Variants in INPP4B observed in about 807,000 individuals in gnomAD.
INPP4B encodes the protein inositol polyphosphate-4-phosphatase type II B.
Under a neutral mutation model 122.5 loss-of-function variants are expected in INPP4B, and 55 were observed. The ratio of observed to expected loss-of-function variants is 0.45; its 90% CI spans 0.36 to 0.56. The LOEUF (loss-of-function observed/expected upper bound fraction) is 0.56, where lower values mean the gene tolerates loss of function less well. INPP4B is among the 20% of genes least tolerant of loss of function. INPP4B has a pLI of 0.00. For missense variants in INPP4B, 1,000 were observed against 1,097.7 expected, an observed-to-expected ratio of 0.91 and a Z score of 1.26; for synonymous variants, 403 against 388.7, an observed-to-expected ratio of 1.04 and a Z score of -0.43.
At chr4:142,591,775 CA>C (rs1296341830) in intron 2 of INPP4B, among the ~76,000 whole-genome samples, 5 of 152,158 alleles carry the variant, frequency 3.3e-5, no homozygotes, top group Non-Finnish European at 7.3e-5. Context: ...AAACATGTAA[CA>C]CTAGCCTGAC....
At chr4:142,629,447 G>A (rs973985012) in intron 2 of INPP4B, among the ~76,000 whole-genome samples, 1 of 152,054 alleles carries the variant, frequency 6.6e-6, no homozygotes, top group Non-Finnish European at 1.5e-5. Context: ...GATTTAGGAA[G>A]GAGAGATTGT....
At chr4:142,159,685 A>G (rs551415959) in intron 17 of INPP4B, among the ~76,000 whole-genome samples, 1 of 152,138 alleles carries the variant, frequency 6.6e-6, no homozygotes, top group Middle Eastern at 3.4e-3. Flanking sequence ...ATTTATATGT[A>G]TCGATTCAGT....
intron 2 of INPP4B, among the ~76,000 whole-genome samples, chr4:142,716,182 G>A (rs1263833385): frequency 6.6e-6 from 1 of 152,170 alleles, no homozygotes; most frequent in Admixed American, 6.5e-5. Flanking sequence ...ATGCCAACGA[G>A]GTTCTGGAAA....
intron 2 of INPP4B, among the ~76,000 whole-genome samples, chr4:142,626,644 C>T (rs1305190128): frequency 6.6e-6 from 1 of 152,006 alleles, no homozygotes; most frequent in African/African-American, 2.4e-5. Flanking sequence ...TTACACCACA[C>T]CCAGACTTCT....
intron 1 of INPP4B, among the ~76,000 whole-genome samples, chr4:142,768,854 CT>C (rs1203219404): frequency 6.6e-6 from 1 of 152,126 alleles, no homozygotes; most frequent in Non-Finnish European, 1.5e-5. Context: ...CTACATTTGC[CT>C]TAGTTTGGGA....
chr4:142,291,299 A>G (rs1014840375), intron 9 of INPP4B, among the ~76,000 whole-genome samples: 1 of 152,186 alleles, frequency 6.6e-6, no homozygotes, highest in African/African-American at 2.4e-5. Context: ...CAAATTTTTT[A>G]TTTTAGAGAT....
At position 142,509,898 on chromosome 4, in the gene INPP4B, A is replaced by T. The variant is rs574030828; in HGVS notation, c.-190-47172T>A. On this transcript the variant is annotated intron_variant, in intron 2 of 25. Transcript: ENST00000262992. ...ACTTACAGTAAGCACTCAATATATG[A>T]TCATACAAAGCAACATTAAGAGGCG... is the stretch of plus-strand genomic sequence containing the variant. Among the ~76,000 whole-genome samples, 70 of 152,312 alleles carry T rather than the reference A, an allele frequency of 4.6e-4. 1 individual carries two copies. In the South Asian group the frequency reaches 0.014, roughly 31 times the overall value.
intron 14 of INPP4B, 31 bp from the exon 15 acceptor site, chr4:142,193,226 C>G (rs371446734): frequency 1.6e-6 from 2 of 1,288,648 alleles, no homozygotes; most frequent in South Asian, 2.4e-5. Context: ...GAGATGAACA[C>G]TTTGCAAACA....
chr4:142,538,247 T>C (rs1365218564), intron 2 of INPP4B, among the ~76,000 whole-genome samples: 1 of 152,108 alleles, frequency 6.6e-6, no homozygotes, highest in Non-Finnish European at 1.5e-5. Context: ...ATTGCTAAAT[T>C]GGTTAAATCC....
intron 24 of INPP4B, among the ~76,000 whole-genome samples, chr4:142,082,908 T>C (rs1047001449): frequency 3.3e-5 from 5 of 152,216 alleles, no homozygotes; most frequent in Non-Finnish European, 5.9e-5. Flanking sequence ...AGGAGGATCA[T>C]TTGAGCTCAA....
chr4:142,430,459 CAT>C (rs1420642892), intron 4 of INPP4B, among the ~76,000 whole-genome samples: 2 of 152,060 alleles, frequency 1.3e-5, no homozygotes, highest in African/African-American at 4.8e-5. Flanking sequence ...GAAGGTTAGG[CAT>C]ATATTTGCCA....
chr4:142,167,969 ATT>A (rs35469629), intron 16 of INPP4B, among the ~76,000 whole-genome samples: 2 of 140,836 alleles, frequency 1.4e-5, no homozygotes, highest in African/African-American at 5.1e-5. Flanking sequence ...AGTTAGCAGG[ATT>A]TTTTTTTTTT....
intron 18 of INPP4B, among the ~76,000 whole-genome samples, chr4:142,132,372 C>T (rs901355946): frequency 1.3e-5 from 2 of 151,972 alleles, no homozygotes; most frequent in African/African-American, 4.8e-5. Context: ...GTGCACAGGT[C>T]ACTACAACTC....
At chr4:142,386,138 T>A (rs962167414) in intron 7 of INPP4B, among the ~76,000 whole-genome samples, 6 of 152,116 alleles carry the variant, frequency 3.9e-5, no homozygotes, top group Non-Finnish European at 7.4e-5. Flanking sequence ...TGCAGATGTG[T>A]CTTTCTGTGC....
At chr4:142,665,842 G>A (rs1755952407) in intron 2 of INPP4B, among the ~76,000 whole-genome samples, 1 of 152,036 alleles carries the variant, frequency 6.6e-6, no homozygotes, top group Non-Finnish European at 1.5e-5. Context: ...GTCCATGAGG[G>A]CTATGTTCTA....
Position 142,112,660 on chromosome 4 carries a change from T to C in INPP4B, c.2158A>G (p.Lys720Glu). 1 of 1,612,872 alleles carries C rather than the reference T, an allele frequency of 6.2e-7. No homozygotes were observed. Among genetic ancestry groups the C allele is most frequent in the Non-Finnish European group, 8.5e-7 (1 of 1,179,376 alleles). The change falls in exon 22 of 26, where the codon AAG becomes GAG. Residue 720 changes from lysine (K) to glutamate (E), a missense_variant. Coordinates refer to ENST00000262992, the MANE Select transcript of INPP4B (RefSeq NM_001101669.3). ...GACTCAAACATTCTGGCTGGAAGCT[T>C]GACCTCTACCACGTAATGTTCTCTA... ...GRREHYVVEV[K>E]LPARMFESLP...
intron 2 of INPP4B, among the ~76,000 whole-genome samples, chr4:142,559,577 C>T (rs969563413): frequency 7.9e-5 from 12 of 152,066 alleles, no homozygotes; most frequent in Admixed American, 2.6e-4. Context: ...AGCAAGTTTG[C>T]AAACAGCAAA....
chr4:142,484,870 A>G (rs1821018222), intron 2 of INPP4B, among the ~76,000 whole-genome samples: 1 of 152,044 alleles, frequency 6.6e-6, no homozygotes, highest in South Asian at 2.1e-4. Context: ...CTTTGTTTAG[A>G]TGTTATAAAA....
intron 7 of INPP4B, among the ~76,000 whole-genome samples, chr4:142,325,096 C>G (rs1483460765): frequency 2.0e-5 from 3 of 152,124 alleles, no homozygotes; most frequent in Non-Finnish European, 4.4e-5. Context: ...TATTTTTGCT[C>G]TGATAGCTTA....
Sources: allele counts gnomAD v4.1 joint callset (sites outside exome capture counted in the v4.1 genomes callset), GRCh38; gene constraint gnomAD v4.1.1; transcripts MANE v1.5; gene names NCBI Gene and HGNC (gene_info 2026-07-23, HGNC 2026-07-21).